Variants in GRAMD1B observed in about 807,000 individuals in gnomAD.
The protein encoded by GRAMD1B is protein Aster-B.
A neutral mutation model predicts 99.7 loss-of-function variants in GRAMD1B; 37 were observed. That is an observed-to-expected ratio of 0.37 (90% confidence interval 0.29 to 0.49). GRAMD1B has a LOEUF of 0.49. Among genes scored for constraint, GRAMD1B ranks in the 20% least tolerant of loss-of-function variants. The probability of loss-of-function intolerance (pLI) is 0.98; values close to 1 mark genes in which losing one functional copy is unlikely to be tolerated. For synonymous variants in GRAMD1B, 427 were observed against 387.6 expected (o/e 1.10, Z -1.19); for missense variants, 888 against 1,009.2 (o/e 0.88, Z 1.63).
intron 2 of GRAMD1B, among the ~76,000 whole-genome samples, chr11:123,563,031 A>G (rs1946948726): frequency 6.6e-6 from 1 of 152,240 alleles, no homozygotes; most frequent in Non-Finnish European, 1.5e-5. Flanking sequence ...GAAAGTTGAG[A>G]TCACCCGGAC....
chr11:123,499,531 T>C (rs2714078), intron 2 of GRAMD1B, among the ~76,000 whole-genome samples: 104,228 of 152,006 alleles, frequency 0.69, 35,868 homozygotes, highest in Middle Eastern at 0.72. Flanking sequence ...TTAAGTTACT[T>C]ATTCCATCTT....
intron 2 of GRAMD1B, among the ~76,000 whole-genome samples, chr11:123,516,125 CCAATCCATGTAA>C: frequency 6.6e-6 from 1 of 152,300 alleles, no homozygotes; most frequent in Non-Finnish European, 1.5e-5. Context: ...CAATTCATTA[CCAATCCATGTAA>C]AAACCCCATC....
intron 2 of GRAMD1B, chr11:123,491,647 G>A (rs1411630374): frequency 1.9e-5 from 7 of 375,286 alleles, no homozygotes; most frequent in East Asian, 3.8e-5. Context: ...TCTCGGTAAC[G>A]CAGGACCCCA....
intron 2 of GRAMD1B, among the ~76,000 whole-genome samples, chr11:123,534,901 A>G (rs3016476): frequency 0.9 from 136,803 of 151,976 alleles, 61,703 homozygotes; most frequent in East Asian, 1. Flanking sequence ...TCTCAGGCAA[A>G]GGAGAAGCAA....
At chr11:123,605,646 T>A (rs1162864046) in intron 10 of GRAMD1B, among the ~76,000 whole-genome samples, 168 bp downstream of exon 10, 1 of 152,160 alleles carries the variant, frequency 6.6e-6, no homozygotes, top group East Asian at 1.9e-4. Flanking sequence ...CGTATTCTAG[T>A]GGCATAGCCC....
intron 1 of GRAMD1B, among the ~76,000 whole-genome samples, chr11:123,393,113 A>G (rs1947336925): frequency 6.6e-6 from 1 of 152,220 alleles, no homozygotes; most frequent in African/African-American, 2.4e-5. Context: ...TTTAATTTGG[A>G]TGCTAGAAGG....
chr11:123,585,552 G>A (rs1168316099), intron 4 of GRAMD1B, among the ~76,000 whole-genome samples: 2 of 152,164 alleles, frequency 1.3e-5, no homozygotes, highest in Non-Finnish European at 2.9e-5. Flanking sequence ...CTTGGGGTGG[G>A]AGAGAAGCCA....
Position 123,587,053 on chromosome 11 carries a change from G to T in GRAMD1B, c.684+2721G>T, listed in dbSNP as rs546884061. Among the ~76,000 whole-genome samples, 1 of 152,330 alleles carries T rather than the reference G, an allele frequency of 6.6e-6. No individual in the cohort carries two copies. The highest frequency in any genetic ancestry group is 1.9e-4 in the East Asian group (1 of 5,186). ...GCATTCAGGCCCACTGGAGCAGCCT[G>T]GGTCTGGTGGGAAAAGCCCAGCCAC... is the stretch of plus-strand genomic sequence containing the variant. On this transcript the variant is annotated intron_variant, in intron 4 of 19. Transcript: ENST00000635736. This position sits in a 1 kb window ranked among gnomAD's most constrained non-coding sequence, Gnocchi z 4.2.
intron 17 of GRAMD1B, among the ~76,000 whole-genome samples, chr11:123,617,632 G>A (rs1026100990): frequency 3.9e-5 from 6 of 152,166 alleles, no homozygotes; most frequent in African/African-American, 1.4e-4. Flanking sequence ...AACAACCCCA[G>A]TAGGATAGGT....
chr11:123,383,063 G>GA (rs754250627), intron 1 of GRAMD1B, among the ~76,000 whole-genome samples: 2 of 152,166 alleles, frequency 1.3e-5, no homozygotes, highest in African/African-American at 2.4e-5. Flanking sequence ...AAGATGGGGG[G>GA]ATCTACTCTA....
At chr11:123,372,996 A>T (rs936409181) in intron 1 of GRAMD1B, among the ~76,000 whole-genome samples, 1 of 152,090 alleles carries the variant, frequency 6.6e-6, no homozygotes, top group African/African-American at 2.4e-5. Flanking sequence ...AAAATTAGCC[A>T]GGTGTGGTGG....
chr11:123,616,627 C>T (rs1462751017), intron 17 of GRAMD1B, among the ~76,000 whole-genome samples: 1 of 152,258 alleles, frequency 6.6e-6, no homozygotes, highest in Non-Finnish European at 1.5e-5. Flanking sequence ...GGCCAAGTGT[C>T]TGCCGACAGC....
intron 1 of GRAMD1B, among the ~76,000 whole-genome samples, chr11:123,383,421 C>T (rs1946951502): frequency 6.6e-6 from 1 of 152,104 alleles, no homozygotes; most frequent in South Asian, 2.1e-4. Context: ...TTCCAGTTTC[C>T]TCATCTGTAA....
rs539149511 is a variant in GRAMD1B at position 123,472,574 on chromosome 11, A to G, written c.375-8242A>G. On this transcript the variant is annotated intron_variant, in intron 1 of 19. Transcript: ENST00000635736. ...TTAATAGGCGAAAGAAAGAGAAAGA[A>G]CAACTCACTCTTGTGAGAGAGAGGG... is the stretch of plus-strand genomic sequence containing the variant. 3.9e-5 allele frequency among the ~76,000 whole-genome samples: 6 copies of G among 152,358 alleles called. No homozygotes were observed. The South Asian group carries it at 1.2e-3, about 32-fold the overall frequency.
At position 123,587,611 on chromosome 11, in the gene GRAMD1B, C is replaced by A. The variant is rs944776691; in HGVS notation, c.684+3279C>A. On this transcript the variant is annotated intron_variant, in intron 4 of 19. Coordinates refer to ENST00000635736, the MANE Select transcript of GRAMD1B (RefSeq NM_001387025.1). This position sits in a 1 kb window ranked among gnomAD's most constrained non-coding sequence, Gnocchi z 4.2. ...TGGCCTCCTGGCGCATTCCTGCGGG[C>A]AGTCTTCTCCATGGCAGCCCCAGAA... Among the ~76,000 whole-genome samples, 1 of 152,184 alleles carries A rather than the reference C, an allele frequency of 6.6e-6. No individual in the cohort carries two copies. Among genetic ancestry groups the A allele is most frequent in the Non-Finnish European group, 1.5e-5 (1 of 68,028 alleles).
chr11:123,603,823 T>C (rs1274214), intron 9 of GRAMD1B, among the ~76,000 whole-genome samples: 76,257 of 152,040 alleles, frequency 0.5, 19,272 homozygotes, highest in South Asian at 0.55. Context: ...ACTCTGGTCT[T>C]TGCACTGAAA....
At chr11:123,452,545 C>T (rs1039407354) in intron 1 of GRAMD1B, among the ~76,000 whole-genome samples, 1 of 152,068 alleles carries the variant, frequency 6.6e-6, no homozygotes, top group Admixed American at 6.6e-5. Context: ...ACTCGGGAGT[C>T]TGAGGCAGCA....
chr11:123,524,387 C>G (rs1942493565), intron 2 of GRAMD1B, among the ~76,000 whole-genome samples: 1 of 102,508 alleles, frequency 9.8e-6, no homozygotes, highest in South Asian at 4.1e-4. Flanking sequence ...GTCTCCCAGG[C>G]TAGATTGCAG....
Position 123,591,951 on chromosome 11 carries a change from G to T in GRAMD1B, c.685-2131G>T, listed in dbSNP as rs920581141. The stretch of plus-strand genomic sequence containing the variant: ...TAGCGGCCCCCTCGATTTGCCTGCG[G>T]GTTGGAGATGGTGGCCAAACGCCCT... On this transcript the variant is annotated intron_variant, in intron 4 of 19. Transcript: ENST00000635736. This position sits in a 1 kb window ranked among gnomAD's most constrained non-coding sequence, Gnocchi z 4.7. Among the ~76,000 whole-genome samples, 6 of 152,352 alleles carry T rather than the reference G, an allele frequency of 3.9e-5. No individual in the cohort carries two copies. The highest frequency in any genetic ancestry group is 3.4e-3 in the Middle Eastern group (1 of 294).
Sources: allele counts gnomAD v4.1 joint callset (sites outside exome capture counted in the v4.1 genomes callset), GRCh38; gene constraint gnomAD v4.1.1; non-coding constraint Gnocchi (gnomAD v3.1); transcripts MANE v1.5; gene names NCBI Gene and HGNC (gene_info 2026-07-23, HGNC 2026-07-21).